The following CTNNBL1 variants were observed in gnomAD, a reference collection of about 807,000 sequenced individuals.
CTNNBL1 encodes the protein catenin beta like 1, also known as beta-catenin-like protein 1.
CTNNBL1 carries 31 observed loss-of-function variants against 72.7 expected under a neutral mutation model. The ratio of observed to expected loss-of-function variants is 0.43; its 90% confidence interval spans 0.32 to 0.58. The LOEUF (loss-of-function observed/expected upper bound fraction) is 0.58. Ranked by LOEUF, CTNNBL1 falls within the 20% of genes least tolerant of loss-of-function variation. The pLI, the probability that CTNNBL1 is intolerant of heterozygous loss-of-function variation, is 0.08. For synonymous variants in CTNNBL1, 240 were observed against 267.3 expected, an observed-to-expected ratio of 0.90 and a Z score of 1.00; for missense variants, 534 against 725.1, an observed-to-expected ratio of 0.74 and a Z score of 3.03.
intron 11 of CTNNBL1, among the ~76,000 whole-genome samples, chr20:37,824,833 T>C (rs967346570): frequency 6.6e-6 from 1 of 152,152 alleles, no homozygotes; most frequent in South Asian, 2.1e-4. Flanking sequence ...CTACTAGAGC[T>C]CCAGTTATTA....
chr20:37,840,573 C>T (rs971962554), intron 12 of CTNNBL1, among the ~76,000 whole-genome samples: 2 of 152,172 alleles, frequency 1.3e-5, no homozygotes, highest in Non-Finnish European at 2.9e-5. Flanking sequence ...GAGATGTGTG[C>T]CACTCTGAAC....
intron 10 of CTNNBL1, among the ~76,000 whole-genome samples, chr20:37,796,970 G>T (rs780681583): frequency 8.5e-5 from 13 of 152,170 alleles, no homozygotes; most frequent in Non-Finnish European, 1.3e-4. Context: ...GGCGGTGGGG[G>T]TGATATGGGT....
intron 10 of CTNNBL1, among the ~76,000 whole-genome samples, chr20:37,783,712 A>G (rs1424281328): frequency 1.3e-5 from 2 of 152,230 alleles, no homozygotes; most frequent in African/African-American, 2.4e-5. Flanking sequence ...CATTGTGATC[A>G]GAGAAGATAC....
At chr20:37,859,816 G>A in intron 13 of CTNNBL1, 83 bp from the exon 14 acceptor site, 1 of 1,398,290 alleles carries the variant, frequency 7.2e-7, no homozygotes, top group Non-Finnish European at 9.9e-7. Flanking sequence ...CTATTGTTGT[G>A]TGTATTATGG....
intron 11 of CTNNBL1, among the ~76,000 whole-genome samples, chr20:37,828,027 A>G (rs1035822464): frequency 6.6e-6 from 1 of 151,972 alleles, no homozygotes; most frequent in African/African-American, 2.4e-5. Flanking sequence ...CTGTTTCTTC[A>G]TGATTTGGTT....
chr20:37,767,879 G>A (rs926830564), intron 6 of CTNNBL1, 74 bp from the exon 7 acceptor site: 126 of 1,211,530 alleles, frequency 1.0e-4, no homozygotes, highest in Non-Finnish European at 1.4e-4. Flanking sequence ...TAACATGCCT[G>A]TCATGGGAAG....
At chr20:37,796,371 C>A (rs1006664772) in intron 10 of CTNNBL1, among the ~76,000 whole-genome samples, 1 of 152,172 alleles carries the variant, frequency 6.6e-6, no homozygotes, top group East Asian at 1.9e-4. Flanking sequence ...TGGAAACTTT[C>A]CAGGCAGTCA....
chr20:37,790,712 A>G (rs1053656209), intron 10 of CTNNBL1, among the ~76,000 whole-genome samples: 4 of 152,240 alleles, frequency 2.6e-5, no homozygotes, highest in Non-Finnish European at 5.9e-5. Context: ...CCGGGCAGGA[A>G]GTGGTGTAAG....
At chr20:37,756,756 G>T (rs1038688813) in intron 4 of CTNNBL1, among the ~76,000 whole-genome samples, 1 of 148,246 alleles carries the variant, frequency 6.7e-6, no homozygotes, top group Non-Finnish European at 1.5e-5. Context: ...TCCCACCTTA[G>T]CCTCCCAAGT....
chr20:37,840,096 A>G lies in CTNNBL1; in HGVS notation c.1214-6A>G. ...AGCATGTTCTCTTTTCTCTTTCCCA[A>G]CCCAGAGCATGTCTGTTCGATCCTG... is the stretch of plus-strand genomic sequence containing the variant. On this transcript the variant is annotated splice_polypyrimidine_tract_variant and splice_region_variant and intron_variant, in intron 11 of 15. Transcript: ENST00000361383. 1 of 1,610,180 alleles carries G rather than the reference A, an allele frequency of 6.2e-7. No homozygotes were observed. Among genetic ancestry groups the G allele is most frequent in the Non-Finnish European group, 8.5e-7 (1 of 1,176,606 alleles).
chr20:37,704,280 A>G (rs1309402268), intron 1 of CTNNBL1, among the ~76,000 whole-genome samples: 1 of 152,240 alleles, frequency 6.6e-6, no homozygotes, highest in Non-Finnish European at 1.5e-5. Context: ...GCCATGAACA[A>G]GATGTGGTGG....
chr20:37,810,287 G>A (rs927090118), intron 11 of CTNNBL1, among the ~76,000 whole-genome samples: 1 of 152,208 alleles, frequency 6.6e-6, no homozygotes, highest in African/African-American at 2.4e-5. Flanking sequence ...GGCAAAAAGG[G>A]AAGAGATCGT....
intron 10 of CTNNBL1, among the ~76,000 whole-genome samples, chr20:37,802,028 A>G (rs1335577240): frequency 6.6e-6 from 1 of 152,274 alleles, no homozygotes; most frequent in Non-Finnish European, 1.5e-5. Context: ...TTGTATTTCT[A>G]TACGCTTGGA....
intron 5 of CTNNBL1, among the ~76,000 whole-genome samples, chr20:37,758,893 G>C (rs1418592815): frequency 6.6e-6 from 1 of 152,098 alleles, no homozygotes; most frequent in Non-Finnish European, 1.5e-5. Flanking sequence ...GGTCCCAGAT[G>C]ATCCCGAAAC....
intron 7 of CTNNBL1, among the ~76,000 whole-genome samples, chr20:37,773,142 C>T (rs1023406667): frequency 3.3e-5 from 5 of 152,306 alleles, no homozygotes; most frequent in African/African-American, 4.8e-5. Flanking sequence ...ACAGTTGCAG[C>T]GTTCAGTTAA....
chr20:37,800,751 A>C (rs2073817079), intron 10 of CTNNBL1, among the ~76,000 whole-genome samples: 1 of 152,180 alleles, frequency 6.6e-6, no homozygotes, highest in African/African-American at 2.4e-5. Context: ...CTTCACTTGG[A>C]TGCCTTGTGG....
intron 13 of CTNNBL1, among the ~76,000 whole-genome samples, chr20:37,857,816 A>AC (rs200128620): frequency 0.048 from 7,316 of 152,240 alleles, 239 homozygotes; most frequent in South Asian, 0.086. Context: ...TGTATTGAGC[A>AC]CGTGCCTTCT....
At chr20:37,757,885 G>A (rs971018913) in intron 5 of CTNNBL1, among the ~76,000 whole-genome samples, 2 of 152,136 alleles carry the variant, frequency 1.3e-5, no homozygotes, top group Non-Finnish European at 2.9e-5. Flanking sequence ...TCTGCTGTGG[G>A]CAGGGCCATT....
intron 1 of CTNNBL1, among the ~76,000 whole-genome samples, chr20:37,713,762 T>C (rs144957892): frequency 2.6e-5 from 4 of 152,248 alleles, no homozygotes; most frequent in Admixed American, 6.5e-5. Flanking sequence ...GCATGGAAAT[T>C]TTCCTACTTT....
Sources: allele counts gnomAD v4.1 joint callset (sites outside exome capture counted in the v4.1 genomes callset), GRCh38; gene constraint gnomAD v4.1.1; transcripts MANE v1.5; gene names NCBI Gene and HGNC (gene_info 2026-07-23, HGNC 2026-07-21).